Variants in NUGGC observed in about 807,000 individuals in gnomAD.
The protein encoded by NUGGC is nuclear GTPase, germinal center associated.
A neutral mutation model predicts 92.6 loss-of-function variants in NUGGC; 58 were observed. The ratio of observed to expected loss-of-function variants is 0.63; its 90% CI spans 0.51 to 0.78. The LOEUF is 0.78. NUGGC is among the 30% of genes least tolerant of loss of function. The probability of loss-of-function intolerance (pLI) is 0.00; values close to 1 mark genes in which losing one functional copy is unlikely to be tolerated. For synonymous variants in NUGGC, 376 were observed against 366.4 expected (o/e 1.03, Z -0.30); for missense variants, 925 against 964.6 (o/e 0.96, Z 0.54).
chr8:28,064,826 G>A (rs1341637952), intron 6 of NUGGC, 95 bp from the exon 7 acceptor site: 1 of 1,049,212 alleles, frequency 9.5e-7, no homozygotes, highest in Non-Finnish European at 1.4e-6. Flanking sequence ...AGTATGCTGA[G>A]TAAGGGTAAG....
intron 4 of NUGGC, 105 bp from the exon 5 acceptor site, chr8:28,068,543 T>A: frequency 1.4e-6 from 1 of 738,742 alleles, no homozygotes; most frequent in Non-Finnish European, 2.3e-6. Context: ...GGCACGTCAC[T>A]ACAACCTGAG....
intron 9 of NUGGC, among the ~76,000 whole-genome samples, chr8:28,057,478 A>G (rs1810176447): frequency 6.6e-6 from 1 of 151,730 alleles, no homozygotes; most frequent in Non-Finnish European, 1.5e-5. Context: ...AGTAGCTGGG[A>G]TTACAGGTCC....
intron 10 of NUGGC, 149 bp downstream of exon 10, chr8:28,055,815 AG>A (rs1383927062): frequency 3.6e-6 from 2 of 549,496 alleles, no homozygotes; most frequent in Non-Finnish European, 6.5e-6. Context: ...CCTGGCCAAC[AG>A]AGTGAGACCC....
intron 16 of NUGGC, 121 bp downstream of exon 16, chr8:28,030,189 G>C: frequency 6.2e-6 from 4 of 648,942 alleles, no homozygotes; most frequent in Non-Finnish European, 1.1e-5. Context: ...TGGACTGAGA[G>C]TGCTGCAAAG....
chr8:28,070,343 T>C lies in NUGGC; in HGVS notation c.57A>G (p.Leu19=), dbSNP rs1810556935. 1 of 1,514,524 alleles carries C rather than the reference T, an allele frequency of 6.6e-7. No individual in the cohort carries two copies. The highest frequency in any genetic ancestry group is 9.0e-7 in the Non-Finnish European group (1 of 1,113,384). 93.8% of individuals were successfully genotyped at this position (1,514,524 alleles called of 1,614,324 possible). Residue 19 remains leucine (L), a synonymous_variant, in exon 3 of 19, where the codon TTA becomes TTG. Transcript: ENST00000413272. The part of the protein sequence containing the change: ...GQEPHPVEDD[L]YKERTRKRRK... ...TTCTTTTTCTCGTTCGTTCTTTATATAAATCATCTTCAACTAGAGATAAAC... is the reference window on the plus strand; with the variant it reads ...TTCTTTTTCTCGTTCGTTCTTTATACAAATCATCTTCAACTAGAGATAAAC...
chr8:28,037,624 A>T (rs4732808), intron 13 of NUGGC, among the ~76,000 whole-genome samples: 53,718 of 152,076 alleles, frequency 0.35, 10,007 homozygotes, highest in East Asian at 0.48. Flanking sequence ...ACACACACAC[A>T]GGCCTGAGCT....
Position 28,074,473 on chromosome 8 carries a change from C to T in NUGGC, c.-46-17G>A. On this transcript the variant is annotated splice_polypyrimidine_tract_variant and intron_variant, in intron 1 of 18. Coordinates refer to ENST00000413272, the MANE Select transcript of NUGGC (RefSeq NM_001010906.2). Reference sequence around the variant, plus strand: ...AGAACCAGCCTGTGAAGACAAAGTACAAAGACAGGTGGGGCAGCGGAATTT... The same window carrying T: ...AGAACCAGCCTGTGAAGACAAAGTATAAAGACAGGTGGGGCAGCGGAATTT... 6.4e-7 allele frequency: 1 copy of T among 1,573,140 alleles called. No homozygotes were observed. Among genetic ancestry groups the T allele is most frequent in the Non-Finnish European group, 8.7e-7 (1 of 1,145,660 alleles).
intron 1 of NUGGC, among the ~76,000 whole-genome samples, chr8:28,082,881 G>A (rs1478730337): frequency 6.6e-6 from 1 of 152,138 alleles, no homozygotes; most frequent in African/African-American, 2.4e-5. Flanking sequence ...ACTCCAGCCT[G>A]GGTAACAGAC....
In NUGGC at chr8:28,031,109, A is replaced by C. The variant is rs2305456; in HGVS notation, c.1908+134T>G. The C allele has an allele frequency of 0.18, 172,411 of 967,686 alleles. 16,860 individuals carry two copies. The highest frequency in any genetic ancestry group is 0.25 in the East Asian group (10,368 of 41,584). 59.9% of individuals were successfully genotyped at this position (967,686 alleles called of 1,614,324 possible). On this transcript the variant is annotated intron_variant, in intron 15 of 18. Transcript: ENST00000413272. ...CATCCCACTGGGTTCTGTATTTCAC[A>C]GCGCCTCCTAGGAGGTACTCCCAGA... is the stretch of plus-strand genomic sequence containing the variant.
In NUGGC at chr8:28,067,590, T is replaced by G; in HGVS notation, c.635A>C (p.Asn212Thr). 1 of 1,613,746 alleles carries G rather than the reference T, an allele frequency of 6.2e-7. No homozygotes were observed. Among genetic ancestry groups the G allele is most frequent in the Non-Finnish European group, 8.5e-7 (1 of 1,179,756 alleles). The change falls in exon 6 of 19, where the codon AAC (asparagine) becomes ACC (threonine). Residue 212 changes from asparagine to threonine, a missense_variant. Asn to Thr is a moderately conservative substitution (Grantham distance 65, BLOSUM62 0). Transcript: ENST00000413272. ...CTTCGCCCTCAGTAACTCCTCATAG[T>G]TCTTACTCTCTGCCCCATTTCCATA... ...MIYGNGAESK[N>T]YEELLRAKPK... is the part of the protein sequence containing the mutation.
intron 14 of NUGGC, among the ~76,000 whole-genome samples, chr8:28,032,443 C>T (rs1009395223): frequency 2.0e-5 from 3 of 152,074 alleles, no homozygotes; most frequent in Non-Finnish European, 2.9e-5. Context: ...GTCAGCCGGG[C>T]GCGGTGGCTC....
At position 28,022,953 on chromosome 8, in the gene NUGGC, C is replaced by G. The variant is rs558925786; in HGVS notation, c.*364G>C. 9.7e-4 allele frequency: 161 copies of G among 165,468 alleles called. 1 individual carries two copies. Among genetic ancestry groups the G allele is most frequent in the Non-Finnish European group, 1.8e-3 (141 of 76,426 alleles). 10.2% of individuals were successfully genotyped at this position (165,468 alleles called of 1,614,324 possible). A position where few individuals can be genotyped will look rare whatever the true frequency, so the allele number is the denominator to read the frequency against. ...GGGTGTGGTGGCAGTCGCCTATAAT[C>G]CCAGCTACTTGGGAGGCTGAGGCAG... is the stretch of plus-strand genomic sequence containing the variant. On this transcript the variant is annotated 3_prime_UTR_variant, in exon 19 of 19. Transcript: ENST00000413272.
In NUGGC at chr8:28,043,399, G is replaced by GA. The variant is rs568966964; in HGVS notation, c.1446+2127dup. Among the ~76,000 whole-genome samples the GA allele has an allele frequency of 3.6e-3, 550 of 151,788 alleles. 2 individuals are homozygous for GA. The highest frequency in any genetic ancestry group is 0.013 in the African/African-American group (535 of 41,406). The stretch of plus-strand genomic sequence containing the variant: ...ATTTTTGGTTTCAGTGATCATCTTT[G>GA]AAAAAAAATCAATCACACACATATT... On this transcript the variant is annotated intron_variant, in intron 12 of 18. Transcript: ENST00000413272.
At position 28,021,972 on chromosome 8, in the gene NUGGC, C is replaced by T. The variant is rs1264852266; in HGVS notation, c.*1345G>A. On this transcript the variant is annotated 3_prime_UTR_variant, in exon 19 of 19. Transcript: ENST00000413272. ...TAAAATAAAAAACAGAATTGGATTC[C>T]TAAAAGCTTTATTTTGCAATGTTTT... is the stretch of plus-strand genomic sequence containing the variant. 5 of 152,124 alleles carry T rather than the reference C, an allele frequency of 3.3e-5. No individual in the cohort carries two copies. Among genetic ancestry groups the T allele is most frequent in the African/African-American group, 1.2e-4 (5 of 41,424 alleles). The allele number at this position is 152,124 out of a possible 1,614,324, so 9.4% of individuals were successfully genotyped here. A position where few individuals can be genotyped will look rare whatever the true frequency, so the allele number is the denominator to read the frequency against.
Position 28,045,469 on chromosome 8 carries a change from A to G in NUGGC, c.1446+58T>C, listed in dbSNP as rs139632256. 637 of 1,519,610 alleles carry G rather than the reference A, an allele frequency of 4.2e-4. 3 individuals are homozygous for G. The African/African-American group carries it at 7.8e-3, about 19-fold the overall frequency. 94.1% of individuals were successfully genotyped at this position (1,519,610 alleles called of 1,614,324 possible). A position where few individuals can be genotyped will look rare whatever the true frequency, so the allele number is the denominator to read the frequency against. ...TCATAAGTTAATTTTCTAACTTGGTAAAAGGAAATGTCCTGCCCAGGAAGG... is the reference window on the plus strand; with the variant it reads ...TCATAAGTTAATTTTCTAACTTGGTGAAAGGAAATGTCCTGCCCAGGAAGG... On this transcript the variant is annotated intron_variant, in intron 12 of 18. Coordinates refer to ENST00000413272, the MANE Select transcript of NUGGC (RefSeq NM_001010906.2).
At chr8:28,048,624 G>T (rs1809905158) in intron 10 of NUGGC, among the ~76,000 whole-genome samples, 1 of 152,054 alleles carries the variant, frequency 6.6e-6, no homozygotes, top group South Asian at 2.1e-4. Flanking sequence ...AGCACTTTGG[G>T]AGGCCAAGGC....
intron 3 of NUGGC, 52 bp downstream of exon 3, chr8:28,070,200 A>G: frequency 3.3e-6 from 5 of 1,498,282 alleles, no homozygotes; most frequent in Non-Finnish European, 4.5e-6. Flanking sequence ...CCATTTTAAC[A>G]TACTTGGAAC....
chr8:28,023,903 G>A (rs1809183323), intron 18 of NUGGC, among the ~76,000 whole-genome samples: 1 of 152,232 alleles, frequency 6.6e-6, no homozygotes, highest in Non-Finnish European at 1.5e-5. Flanking sequence ...TCTCACAATG[G>A]TTAGTTTTAT....
intron 13 of NUGGC, 41 bp downstream of exon 13, chr8:28,041,010 C>A: frequency 6.5e-7 from 1 of 1,549,092 alleles, no homozygotes; most frequent in Non-Finnish European, 8.8e-7. Flanking sequence ...ATCGGGCAGG[C>A]CTCCTGGAAT....
Sources: allele counts gnomAD v4.1 joint callset (sites outside exome capture counted in the v4.1 genomes callset), GRCh38; gene constraint gnomAD v4.1.1; transcripts MANE v1.5; gene names NCBI Gene and HGNC (gene_info 2026-07-23, HGNC 2026-07-21).